The following CCDC171 variants were observed in gnomAD, a reference collection of about 807,000 sequenced individuals.
The protein encoded by CCDC171 is coiled-coil domain containing 171.
A neutral mutation model predicts 168.2 loss-of-function variants in CCDC171; 177 were observed. The observed-to-expected ratio is 1.05, with a 90% CI of 0.93 to 1.19. The LOEUF is 1.19. Among genes scored for constraint, CCDC171 ranks in the 50% most tolerant of loss-of-function variants. The probability of loss-of-function intolerance (pLI) is 0.00; values close to 1 mark genes in which losing one functional copy is unlikely to be tolerated. For missense variants in CCDC171, 1,991 were observed against 1,539.0 expected (o/e 1.29, Z -4.91); for synonymous variants, 687 against 540.8 (o/e 1.27, Z -3.75).
intron 6 of CCDC171, among the ~76,000 whole-genome samples, chr9:15,606,216 C>T (rs777376811): frequency 3.3e-5 from 5 of 152,062 alleles, no homozygotes; most frequent in South Asian, 2.1e-4. Context: ...AAGATGAAAC[C>T]GCAGATAAGA....
intron 6 of CCDC171, among the ~76,000 whole-genome samples, chr9:15,601,691 G>C (rs1167215644): frequency 6.6e-6 from 1 of 152,214 alleles, no homozygotes; most frequent in African/African-American, 2.4e-5. Context: ...TGCCACAGAA[G>C]AGAAGTTGAT....
At chr9:15,822,829 T>G (rs1300207191) in intron 21 of CCDC171, among the ~76,000 whole-genome samples, 15 of 152,162 alleles carry the variant, frequency 9.9e-5, no homozygotes, top group Admixed American at 9.8e-4. Flanking sequence ...GCCATCGCAT[T>G]GCTGGGTATA....
At chr9:15,792,617 C>T (rs1489898494) in intron 21 of CCDC171, among the ~76,000 whole-genome samples, 10 of 152,082 alleles carry the variant, frequency 6.6e-5, no homozygotes, top group African/African-American at 1.7e-4. Context: ...AGACTAACAG[C>T]GGATCTCTCG....
chr9:15,946,040 C>T (rs187974253), intron 25 of CCDC171, among the ~76,000 whole-genome samples: 14 of 151,966 alleles, frequency 9.2e-5, no homozygotes, highest in East Asian at 2.0e-4. Flanking sequence ...TTTAATCCAT[C>T]TTGAATTGAT....
intron 21 of CCDC171, among the ~76,000 whole-genome samples, chr9:15,803,108 G>A (rs1025865406): frequency 1.3e-5 from 2 of 151,596 alleles, no homozygotes; most frequent in African/African-American, 4.8e-5. Context: ...AGGGTTGGTT[G>A]GTTGGTTGTT....
At chr9:15,726,276 T>C (rs1412861638) in intron 14 of CCDC171, among the ~76,000 whole-genome samples, 2 of 152,160 alleles carry the variant, frequency 1.3e-5, no homozygotes, top group Non-Finnish European at 2.9e-5. Context: ...GTTCAACATG[T>C]GTGAATTGAT....
At chr9:15,846,675 G>A in intron 21 of CCDC171, 27 bp from the exon 22 acceptor site, 4 of 1,609,492 alleles carry the variant, frequency 2.5e-6, no homozygotes, top group East Asian at 4.5e-5. Flanking sequence ...GGGCTGACAA[G>A]TAACTCTGTT....
intron 7 of CCDC171, among the ~76,000 whole-genome samples, chr9:15,638,768 A>C (rs979236519): frequency 2.0e-5 from 3 of 151,968 alleles, no homozygotes; most frequent in African/African-American, 4.8e-5. Context: ...AGATTAAAAA[A>C]AAACAAACAA....
At chr9:16,040,785 T>C (rs1833559294), upstream of CCDC171, among the ~76,000 whole-genome samples, 1 of 152,236 alleles carries the variant, frequency 6.6e-6, no homozygotes, top group South Asian at 2.1e-4. Flanking sequence ...AAACATGCTA[T>C]GTGGCTTTAA....
intron 2 of CCDC171, among the ~76,000 whole-genome samples, chr9:15,567,054 TCTCA>T (rs1366567072): frequency 2.1e-5 from 3 of 143,032 alleles, no homozygotes; most frequent in African/African-American, 7.8e-5. Context: ...TGAGGCAGAG[TCTCA>T]CTGTGTTGTC....
chr9:16,003,393 T>A (rs1460608609), intron 3 of CCDC171, among the ~76,000 whole-genome samples: 1 of 152,170 alleles, frequency 6.6e-6, no homozygotes, highest in Non-Finnish European at 1.5e-5. Context: ...TTATATTTCC[T>A]GGGCACAGAG....
chr9:15,973,402 TACTA>T lies in CCDC171; in HGVS notation c.*1571_*1574del, dbSNP rs1421258944. ...ATTGGCCTTGGTAAATAAGATTTTA[TACTA>T]ACTATTTATTAGTAGCCAAATTAGC... is the stretch of plus-strand genomic sequence containing the variant. On this transcript the variant is annotated 3_prime_UTR_variant, in exon 26 of 26. Transcript: ENST00000380701. 2.0e-5 allele frequency: 3 copies of T among 152,290 alleles called. No individual in the cohort carries two copies. Among genetic ancestry groups the T allele is most frequent in the Non-Finnish European group, 2.9e-5 (2 of 68,014 alleles). The allele number at this position is 152,290 out of a possible 1,614,324, so 9.4% of individuals were successfully genotyped here. A position where few individuals can be genotyped will look rare whatever the true frequency, so the allele number is the denominator to read the frequency against.
chr9:16,001,908 G>T (rs973777956), intron 3 of CCDC171, among the ~76,000 whole-genome samples: 21 of 149,944 alleles, frequency 1.4e-4, no homozygotes, highest in African/African-American at 3.9e-4. Flanking sequence ...TGCAATCATG[G>T]CTCACTGCAG....
At chr9:15,846,455 G>T (rs2060897213) in intron 21 of CCDC171, among the ~76,000 whole-genome samples, 2 of 151,956 alleles carry the variant, frequency 1.3e-5, no homozygotes, top group African/African-American at 4.8e-5. Flanking sequence ...AATACAATTT[G>T]CCTTGCAGTA....
At chr9:15,786,212 A>G (rs756888999) in intron 21 of CCDC171, among the ~76,000 whole-genome samples, 1 of 152,158 alleles carries the variant, frequency 6.6e-6, no homozygotes, top group Non-Finnish European at 1.5e-5. Flanking sequence ...TTTTTCTTAC[A>G]TAAATGAGAA....
chr9:15,904,027 G>A (rs955148767), intron 24 of CCDC171, among the ~76,000 whole-genome samples: 4 of 152,162 alleles, frequency 2.6e-5, no homozygotes, highest in African/African-American at 9.7e-5. Context: ...GGGACTATGT[G>A]AAAAGACCAA....
At position 15,775,540 on chromosome 9, in the gene CCDC171, G is replaced by C. The variant is rs142386374; in HGVS notation, c.2672-2060G>C. 3.3e-3 allele frequency among the ~76,000 whole-genome samples: 498 copies of C among 152,192 alleles called. 3 individuals are homozygous for C. Among genetic ancestry groups the C allele is most frequent in the African/African-American group, 0.012 (487 of 41,526 alleles). ...TCACTGTTTTAGCCAGGATGGTCTC[G>C]ATCTCCTGACCTCGTGATCTGCCTG... On this transcript the variant is annotated intron_variant, in intron 18 of 25. Coordinates refer to ENST00000380701, the MANE Select transcript of CCDC171 (RefSeq NM_173550.4).
chr9:15,555,140 C>T (rs922577772), intron 1 of CCDC171, among the ~76,000 whole-genome samples: 2 of 152,062 alleles, frequency 1.3e-5, no homozygotes, highest in Non-Finnish European at 2.9e-5. Context: ...CTCAGGATGT[C>T]GGGATCACTG....
intron 25 of CCDC171, among the ~76,000 whole-genome samples, chr9:15,942,845 T>C (rs1280964617): frequency 6.6e-6 from 1 of 151,874 alleles, no homozygotes; most frequent in Non-Finnish European, 1.5e-5. Context: ...AATTTTAAAC[T>C]ATGACCAAAT....
Sources: allele counts gnomAD v4.1 joint callset (sites outside exome capture counted in the v4.1 genomes callset), GRCh38; gene constraint gnomAD v4.1.1; transcripts MANE v1.5; gene names NCBI Gene and HGNC (gene_info 2026-07-23, HGNC 2026-07-21).